Variants in PTPRD observed in about 807,000 individuals in gnomAD.
The protein encoded by PTPRD is protein tyrosine phosphatase receptor type D, also known as receptor-type tyrosine-protein phosphatase delta.
A neutral mutation model predicts 214.5 loss-of-function variants in PTPRD; 34 were observed. The ratio of observed to expected loss-of-function variants is 0.16; its 90% confidence interval spans 0.12 to 0.21. The LOEUF (loss-of-function observed/expected upper bound fraction) is 0.21, where lower values mean the gene tolerates loss of function less well. Among genes scored for constraint, PTPRD ranks in the 10% least tolerant of loss-of-function variants. PTPRD has a pLI of 1.00. For missense variants in PTPRD, 2,545 were observed against 2,398.7 expected (o/e 1.06, Z -1.27); for synonymous variants, 1,128 against 845.7 (o/e 1.33, Z -5.79).
At chr9:9,177,929 T>C (rs531487345) in intron 10 of PTPRD, among the ~76,000 whole-genome samples, 1 of 152,264 alleles carries the variant, frequency 6.6e-6, no homozygotes, top group Non-Finnish European at 1.5e-5. Flanking sequence ...TGGTATTTAA[T>C]TGTAGGCATC....
At chr9:8,682,044 T>G (rs990106160) in intron 12 of PTPRD, among the ~76,000 whole-genome samples, 1 of 152,126 alleles carries the variant, frequency 6.6e-6, no homozygotes, top group Admixed American at 6.6e-5. Context: ...AATCACTTCA[T>G]AGCCCACATT....
intron 11 of PTPRD, among the ~76,000 whole-genome samples, chr9:8,851,534 C>A (rs557341528): frequency 6.6e-6 from 1 of 152,124 alleles, no homozygotes; most frequent in Non-Finnish European, 1.5e-5. Context: ...ACAAAACATC[C>A]GTATCCAACA....
intron 2 of PTPRD, among the ~76,000 whole-genome samples, chr9:10,578,767 T>A (rs912911592): frequency 3.9e-5 from 6 of 152,186 alleles, no homozygotes; most frequent in Admixed American, 3.9e-4. Flanking sequence ...GGGGTACATG[T>A]GCAGATTTGT....
At chr9:9,188,302 G>C (rs772745430) in intron 9 of PTPRD, among the ~76,000 whole-genome samples, 2 of 151,984 alleles carry the variant, frequency 1.3e-5, no homozygotes, top group Non-Finnish European at 2.9e-5. Context: ...GTAATTTCCA[G>C]TTTAAAGCAA....
chr9:10,531,490 A>AT (rs2056299974), intron 2 of PTPRD, among the ~76,000 whole-genome samples: 1 of 152,222 alleles, frequency 6.6e-6, no homozygotes, highest in Admixed American at 6.5e-5. Flanking sequence ...CATATTAAAT[A>AT]ATGAAGTAAT....
chr9:9,465,362 C>T, intron 8 of PTPRD, among the ~76,000 whole-genome samples: 1 of 152,156 alleles, frequency 6.6e-6, no homozygotes, highest in African/African-American at 2.4e-5. Context: ...TTGCTTGAAT[C>T]CCTCCTAGGC....
At chr9:9,581,752 G>A (rs1041299375) in intron 7 of PTPRD, among the ~76,000 whole-genome samples, 1 of 152,040 alleles carries the variant, frequency 6.6e-6, no homozygotes, top group Non-Finnish European at 1.5e-5. Context: ...GGGAAAGTTG[G>A]AATGACTGGC....
intron 3 of PTPRD, among the ~76,000 whole-genome samples, chr9:10,104,257 A>C (rs2154217899): frequency 6.6e-6 from 1 of 151,904 alleles, no homozygotes; most frequent in African/African-American, 2.4e-5. Flanking sequence ...TGATAGTTGC[A>C]CAAGAATGTG....
intron 14 of PTPRD, among the ~76,000 whole-genome samples, chr9:8,576,687 C>T (rs1384112179): frequency 6.7e-6 from 1 of 149,330 alleles, no homozygotes; most frequent in Non-Finnish European, 1.5e-5. Flanking sequence ...TCCTAAGTAT[C>T]TCTAGTTGCA....
intron 7 of PTPRD, among the ~76,000 whole-genome samples, chr9:9,589,047 G>T (rs746146712): frequency 6.6e-6 from 1 of 151,742 alleles, no homozygotes; most frequent in African/African-American, 2.4e-5. Flanking sequence ...GACCACTTCC[G>T]TATGCTTATT....
At chr9:9,209,778 T>C (rs1444030206) in intron 9 of PTPRD, among the ~76,000 whole-genome samples, 1 of 152,174 alleles carries the variant, frequency 6.6e-6, no homozygotes, top group African/African-American at 2.4e-5. Flanking sequence ...TAAAAATATA[T>C]ATCCTGTCTC....
At chr9:10,212,181 C>G (rs1257102262) in intron 3 of PTPRD, among the ~76,000 whole-genome samples, 2 of 151,958 alleles carry the variant, frequency 1.3e-5, no homozygotes, top group Admixed American at 1.3e-4. Context: ...TTAATATGAC[C>G]ATAAGCCGTA....
At chr9:9,878,870 C>T (rs1471952036) in intron 5 of PTPRD, among the ~76,000 whole-genome samples, 1 of 152,084 alleles carries the variant, frequency 6.6e-6, no homozygotes, top group Non-Finnish European at 1.5e-5. Flanking sequence ...CTTTACCTTC[C>T]TCCTTCCCTC....
At chr9:8,835,789 C>G (rs141128180) in intron 11 of PTPRD, among the ~76,000 whole-genome samples, 33 of 152,314 alleles carry the variant, frequency 2.2e-4, no homozygotes, top group African/African-American at 7.5e-4. Flanking sequence ...CCTCCCTCCT[C>G]AGACTCCCAA....
At chr9:8,654,083 C>T (rs2096864372) in intron 12 of PTPRD, among the ~76,000 whole-genome samples, 1 of 152,130 alleles carries the variant, frequency 6.6e-6, no homozygotes, top group Non-Finnish European at 1.5e-5. Context: ...GGCTTCTACC[C>T]AATAGATAAC....
chr9:8,911,597 A>T (rs919674470), intron 11 of PTPRD, among the ~76,000 whole-genome samples: 25 of 152,320 alleles, frequency 1.6e-4, no homozygotes, highest in Non-Finnish European at 1.2e-4. Context: ...AATGTTTGTG[A>T]TCATAGATTA....
intron 14 of PTPRD, among the ~76,000 whole-genome samples, chr9:8,618,700 A>C (rs755073497): frequency 6.6e-6 from 1 of 151,516 alleles, no homozygotes; most frequent in Non-Finnish European, 1.5e-5. Context: ...TAATTTACTT[A>C]TTTATTCTTG....
chr9:8,934,482 T>TATATATAAATTTATATATATTA, intron 11 of PTPRD, among the ~76,000 whole-genome samples: 1 of 7,670 alleles, frequency 1.3e-4, no homozygotes, highest in South Asian at 3.3e-3. Flanking sequence ...TATATAAATA[T>TATATATAAATTTATATATATTA]ATATATATAT....
intron 2 of PTPRD, among the ~76,000 whole-genome samples, chr9:10,506,220 A>G (rs1374193927): frequency 6.6e-6 from 1 of 152,134 alleles, no homozygotes; most frequent in Non-Finnish European, 1.5e-5. Context: ...CTTTTAAAAA[A>G]CATTTTGAGA....
Sources: allele counts gnomAD v4.1 joint callset (sites outside exome capture counted in the v4.1 genomes callset), GRCh38; gene constraint gnomAD v4.1.1; transcripts MANE v1.5; gene names NCBI Gene and HGNC (gene_info 2026-07-23, HGNC 2026-07-21).